FBXL13: variants seen among roughly 807,000 people sequenced by gnomAD.
FBXL13 encodes the protein F-box and leucine-rich repeat protein 13.
Under a neutral mutation model 83.6 loss-of-function variants are expected in FBXL13, and 67 were observed. That is an observed-to-expected ratio of 0.80 (90% CI 0.66 to 0.98). FBXL13 has a LOEUF of 0.98. Ranked by LOEUF, FBXL13 falls within the 50% of genes least tolerant of loss-of-function variation. The pLI is 0.00. For missense variants in FBXL13, 822 were observed against 866.5 expected, an observed-to-expected ratio of 0.95 and a Z score of 0.64; for synonymous variants, 272 against 299.5, an observed-to-expected ratio of 0.91 and a Z score of 0.95.
rs570753744 is a variant in FBXL13, at chr7:102,903,154, C to T, written c.1008+9932G>A. On this transcript the variant is annotated intron_variant, in intron 11 of 19. Transcript: ENST00000313221. ...CCTCTTTTACTTTTTTGGTTAATTCCTAGTTATTTAACTTAATGTATGGTT... is the reference window on the plus strand; with the variant it reads ...CCTCTTTTACTTTTTTGGTTAATTCTTAGTTATTTAACTTAATGTATGGTT... Among the ~76,000 whole-genome samples, 6 of 151,892 alleles carry T rather than the reference C, an allele frequency of 4.0e-5. No homozygotes were observed. The South Asian group carries it at 1.2e-3, about 32-fold the overall frequency.
intron 2 of FBXL13, among the ~76,000 whole-genome samples, chr7:103,030,748 GTTTTC>G (rs1326887734): frequency 6.6e-6 from 1 of 152,072 alleles, no homozygotes; most frequent in Non-Finnish European, 1.5e-5. Flanking sequence ...TTGAACTCAA[GTTTTC>G]TTTTCTGATG....
At chr7:102,978,088 C>G (rs975916300) in intron 6 of FBXL13, among the ~76,000 whole-genome samples, 1 of 152,132 alleles carries the variant, frequency 6.6e-6, no homozygotes, top group Non-Finnish European at 1.5e-5. Flanking sequence ...CACATGTACC[C>G]TAAAACTTAA....
chr7:102,862,872 T>A, intron 16 of FBXL13, among the ~76,000 whole-genome samples: 1 of 152,210 alleles, frequency 6.6e-6, no homozygotes, highest in East Asian at 1.9e-4. Flanking sequence ...ATCTTCCAAA[T>A]CTATTCAATA....
At chr7:102,909,402 G>A (rs532701164) in intron 11 of FBXL13, among the ~76,000 whole-genome samples, 12 of 152,196 alleles carry the variant, frequency 7.9e-5, no homozygotes, top group South Asian at 4.1e-4. Context: ...TCCTGTGGCC[G>A]TGCTGGTATC....
intron 6 of FBXL13, among the ~76,000 whole-genome samples, chr7:102,996,865 G>A (rs538831948): frequency 6.6e-6 from 1 of 152,248 alleles, no homozygotes; most frequent in African/African-American, 2.4e-5. Flanking sequence ...TTGGTATTGT[G>A]GATGACTGGC....
At chr7:102,961,171 A>G (rs1825133833) in intron 8 of FBXL13, among the ~76,000 whole-genome samples, 1 of 151,028 alleles carries the variant, frequency 6.6e-6, no homozygotes, top group Non-Finnish European at 1.5e-5. Context: ...AAAAATCACA[A>G]GCATTCTTAT....
intron 8 of FBXL13, among the ~76,000 whole-genome samples, chr7:102,955,944 T>C (rs1824194541): frequency 6.6e-6 from 1 of 152,168 alleles, no homozygotes; most frequent in African/African-American, 2.4e-5. Flanking sequence ...AGCCGAATTC[T>C]ACCAGAAGTA....
intron 7 of FBXL13, among the ~76,000 whole-genome samples, chr7:102,965,497 G>A (rs763388074): frequency 7.2e-5 from 11 of 152,068 alleles, no homozygotes; most frequent in African/African-American, 1.7e-4. Flanking sequence ...AAAATATGGA[G>A]TACATAAATT....
rs544752082 is a variant in FBXL13 at position 103,029,854 on chromosome 7, G to A, written c.1-436C>T. The stretch of plus-strand genomic sequence containing the variant: ...CATAGAGGAATTCCTCATTTACCAA[G>A]CAGGAATAGGAAAACCACATAAATG... On this transcript the variant is annotated intron_variant, in intron 2 of 19. Transcript: ENST00000313221. 5.3e-5 allele frequency among the ~76,000 whole-genome samples: 8 copies of A among 152,124 alleles called. No homozygotes were observed. The South Asian group carries it at 1.5e-3, about 28-fold the overall frequency.
intron 16 of FBXL13, among the ~76,000 whole-genome samples, chr7:102,867,625 G>A (rs1420259826): frequency 6.9e-6 from 1 of 143,888 alleles, no homozygotes; most frequent in Non-Finnish European, 1.5e-5. Context: ...TAAGCAGTGT[G>A]GAGTCCCCAA....
chr7:102,889,809 C>T (rs923939862), intron 11 of FBXL13, among the ~76,000 whole-genome samples: 8 of 152,132 alleles, frequency 5.3e-5, no homozygotes, highest in Non-Finnish European at 1.2e-4. Context: ...ATAACCCTAA[C>T]ATTAATATCT....
chr7:102,870,213 C>G (rs1808339338), intron 16 of FBXL13, among the ~76,000 whole-genome samples: 1 of 152,174 alleles, frequency 6.6e-6, no homozygotes, highest in South Asian at 2.1e-4. Context: ...ATAGGTAACA[C>G]TGCTCTAGGG....
At chr7:102,958,438 G>C (rs1274536975) in intron 8 of FBXL13, among the ~76,000 whole-genome samples, 1 of 151,508 alleles carries the variant, frequency 6.6e-6, no homozygotes, top group Non-Finnish European at 1.5e-5. Context: ...TAATATAAAT[G>C]ATGAGTTGAT....
At chr7:102,836,286 G>A (rs368512561) in intron 17 of FBXL13, among the ~76,000 whole-genome samples, 1 of 152,180 alleles carries the variant, frequency 6.6e-6, no homozygotes, top group East Asian at 1.9e-4. Flanking sequence ...TTGGTCTAAG[G>A]CTTTATGCTA....
At chr7:103,006,919 A>G (rs1791050493) in intron 6 of FBXL13, among the ~76,000 whole-genome samples, 1 of 152,176 alleles carries the variant, frequency 6.6e-6, no homozygotes, top group African/African-American at 2.4e-5. Flanking sequence ...GGAAACTTCT[A>G]GAGATCAATA....
At chr7:102,925,151 T>A (rs1314132090) in intron 10 of FBXL13, among the ~76,000 whole-genome samples, 1 of 152,178 alleles carries the variant, frequency 6.6e-6, no homozygotes, top group Non-Finnish European at 1.5e-5. Context: ...GCCAGCACTT[T>A]GGGAGGCCCA....
At chr7:103,057,735 T>C (rs2129497157) in intron 1 of FBXL13, among the ~76,000 whole-genome samples, 1 of 152,302 alleles carries the variant, frequency 6.6e-6, no homozygotes, top group East Asian at 1.9e-4. Context: ...AAGAAACTTC[T>C]TGTTAAAAGT....
chr7:102,844,265 G>T (rs1753916339), intron 17 of FBXL13, among the ~76,000 whole-genome samples: 1 of 152,258 alleles, frequency 6.6e-6, no homozygotes, highest in South Asian at 2.1e-4. Flanking sequence ...CTATGTTTGG[G>T]TTTGGAGAAC....
intron 5 of FBXL13, among the ~76,000 whole-genome samples, chr7:103,026,515 T>A (rs944306589): frequency 6.6e-6 from 1 of 152,282 alleles, no homozygotes; most frequent in South Asian, 2.1e-4. Context: ...ACTGGTAACA[T>A]TGAAAAGGTA....
Sources: gnomAD v4.1 joint callset for allele counts (sites outside exome capture counted in the v4.1 genomes callset) on GRCh38, gnomAD v4.1.1 for gene constraint, MANE v1.5 for transcripts, NCBI Gene and HGNC (gene_info 2026-07-23, HGNC 2026-07-21) for gene names.